NFIB: variants seen among roughly 807,000 people sequenced by gnomAD.
NFIB encodes nuclear factor I B.
In NFIB, 11 loss-of-function variants were observed where a neutral mutation model predicts 61.5. The ratio of observed to expected loss-of-function variants is 0.18; its 90% CI spans 0.11 to 0.30. The LOEUF (loss-of-function observed/expected upper bound fraction) is 0.30, where lower values mean the gene tolerates loss of function less well. NFIB is among the 10% of genes least tolerant of loss of function. The pLI is 1.00. For synonymous variants in NFIB, 260 were observed against 216.5 expected, an observed-to-expected ratio of 1.20 and a Z score of -1.76; for missense variants, 471 against 608.9, an observed-to-expected ratio of 0.77 and a Z score of 2.38.
At chr9:14,454,567 T>G in the NFIB span, among the ~76,000 whole-genome samples, 6 of 152,372 alleles carry the variant, frequency 3.9e-5, no homozygotes, top group East Asian at 1.2e-3. Context: ...CCATTTTCTC[T>G]TAGTCCTTTG....
At chr9:14,329,031 G>T (rs1017547062) in intron 1 of NFIB, among the ~76,000 whole-genome samples, 1 of 152,166 alleles carries the variant, frequency 6.6e-6, no homozygotes, top group Non-Finnish European at 1.5e-5. Context: ...GCCCCCTTTA[G>T]ATGGGGCTTG....
At chr9:14,504,997 G>T in the NFIB span, among the ~76,000 whole-genome samples, 50 of 152,214 alleles carry the variant, frequency 3.3e-4, no homozygotes, top group African/African-American at 1.2e-3. Context: ...TTACCTTAAG[G>T]TATGTCCCTT....
intron 1 of NFIB, among the ~76,000 whole-genome samples, chr9:14,368,222 G>T (rs375073032): frequency 6.6e-6 from 1 of 151,762 alleles, no homozygotes; most frequent in Non-Finnish European, 1.5e-5. Context: ...AATGAAGAGA[G>T]CTTGAACTAG....
chr9:14,210,159 C>T (rs2050165132), intron 2 of NFIB, among the ~76,000 whole-genome samples: 1 of 152,114 alleles, frequency 6.6e-6, no homozygotes, highest in African/African-American at 2.4e-5. Flanking sequence ...CATGACACTA[C>T]AAACATTTTC....
At chr9:14,299,631 C>T (rs560672699) in intron 2 of NFIB, among the ~76,000 whole-genome samples, 18 of 152,248 alleles carry the variant, frequency 1.2e-4, no homozygotes, top group Middle Eastern at 6.8e-3. Flanking sequence ...TCTGAAAATA[C>T]ACAACCTCCA....
chr9:14,174,522 C>G (rs1275110072), intron 3 of NFIB, among the ~76,000 whole-genome samples: 1 of 152,172 alleles, frequency 6.6e-6, no homozygotes, highest in Admixed American at 6.5e-5. Flanking sequence ...AATCCCAGCA[C>G]TTTGGGAGGC....
At chr9:14,346,340 T>A (rs2132891713) in intron 1 of NFIB, among the ~76,000 whole-genome samples, 1 of 137,712 alleles carries the variant, frequency 7.3e-6, no homozygotes, top group Middle Eastern at 5.6e-3. Context: ...TGAAACCGCT[T>A]GCCCCTGGGA....
Position 14,313,695 on chromosome 9 carries a change from T to C in NFIB, c.-184A>G. The C allele has an allele frequency of 7.0e-7, 1 of 1,427,766 alleles. No homozygotes were observed. Among genetic ancestry groups the C allele is most frequent in the Non-Finnish European group, 9.2e-7 (1 of 1,090,618 alleles). The allele number at this position is 1,427,766 out of a possible 1,614,324, so 88.4% of individuals were successfully genotyped here. On this transcript the variant is annotated 5_prime_UTR_variant, in exon 1 of 11. Coordinates refer to ENST00000380953, the MANE Select transcript of NFIB (RefSeq NM_001190737.2). This position sits in a 1 kb window ranked among gnomAD's most constrained non-coding sequence, Gnocchi z 4.5. The stretch of plus-strand genomic sequence containing the variant: ...CTCCTTAAATAGCCAAAGATTCAAG[T>C]TCACTCGGCGTGCTAGATTTCCAGG...
At chr9:14,398,583 C>G (rs1373157124) in exon 1 of NFIB, 2 of 1,535,190 alleles carry the variant, frequency 1.3e-6, no homozygotes, top group Non-Finnish European at 1.7e-6. Context: ...CATTTCAGAA[C>G]TGCACAGCAG....
At chr9:14,179,642 A>C in intron 3 of NFIB, 85 bp downstream of exon 3, 1 of 1,439,314 alleles carries the variant, frequency 6.9e-7, no homozygotes, top group Non-Finnish European at 9.7e-7. Flanking sequence ...TAGGCAGCTG[A>C]CCAATTATGG....
the NFIB span, among the ~76,000 whole-genome samples, chr9:14,484,281 C>A: frequency 9.8e-5 from 15 of 152,306 alleles, no homozygotes; most frequent in South Asian, 3.1e-3. Flanking sequence ...AGCTTCTTGG[C>A]AACTGGTTTA....
chr9:14,474,270 G>T, the NFIB span, among the ~76,000 whole-genome samples: 1 of 152,088 alleles, frequency 6.6e-6, no homozygotes, highest in African/African-American at 2.4e-5. Flanking sequence ...TCTGGTGAGG[G>T]TCCTCTTCCT....
At chr9:14,457,901 G>A in the NFIB span, among the ~76,000 whole-genome samples, 1 of 152,120 alleles carries the variant, frequency 6.6e-6, no homozygotes, top group African/African-American at 2.4e-5. Context: ...AAAAAGTCCA[G>A]GACCAGGCGG....
At chr9:14,419,937 T>G in the NFIB span, among the ~76,000 whole-genome samples, 1 of 152,168 alleles carries the variant, frequency 6.6e-6, no homozygotes, top group Non-Finnish European at 1.5e-5. Context: ...CATTCTTGTT[T>G]TGTAGAGTAA....
chr9:14,333,373 T>C (rs962823635), intron 1 of NFIB, among the ~76,000 whole-genome samples: 3 of 152,194 alleles, frequency 2.0e-5, no homozygotes, highest in Non-Finnish European at 4.4e-5. Flanking sequence ...CCTTAGCTCT[T>C]AGCCATGAAT....
intron 3 of NFIB, among the ~76,000 whole-genome samples, chr9:14,161,395 A>T (rs566764630): frequency 6.6e-6 from 1 of 152,232 alleles, no homozygotes; most frequent in South Asian, 2.1e-4. Context: ...ACCCACGAGG[A>T]TGATTTAGGT....
intron 2 of NFIB, among the ~76,000 whole-genome samples, chr9:14,217,941 G>C (rs925899328): frequency 3.9e-5 from 6 of 152,122 alleles, no homozygotes; most frequent in Admixed American, 2.6e-4. Flanking sequence ...AAATATATAT[G>C]GGCAGTGGTA....
intron 3 of NFIB, among the ~76,000 whole-genome samples, chr9:14,168,499 G>A (rs989162924): frequency 3.3e-5 from 5 of 152,162 alleles, no homozygotes; most frequent in African/African-American, 1.2e-4. Flanking sequence ...CACGGCTAAC[G>A]CTAAAGGCAT....
the NFIB span, among the ~76,000 whole-genome samples, chr9:14,442,183 T>G: frequency 1.7e-4 from 26 of 151,872 alleles, no homozygotes; most frequent in African/African-American, 4.8e-4. Context: ...CACCACCCTC[T>G]CCTAATCACC....
Sources: gnomAD v4.1 joint callset for allele counts (sites outside exome capture counted in the v4.1 genomes callset) on GRCh38, gnomAD v4.1.1 for gene constraint, Gnocchi (gnomAD v3.1) non-coding constraint, MANE v1.5 for transcripts, NCBI Gene and HGNC (gene_info 2026-07-23, HGNC 2026-07-21) for gene names.